Variants in DCDC1 observed in about 807,000 individuals in gnomAD.
The protein encoded by DCDC1 is doublecortin domain-containing protein 1.
In DCDC1, 200 loss-of-function variants were observed where a neutral mutation model predicts 178.3. The observed-to-expected ratio is 1.12, with a 90% confidence interval of 1.00 to 1.26. DCDC1 has a LOEUF of 1.26. Among genes scored for constraint, DCDC1 ranks in the 50% most tolerant of loss-of-function variants. The pLI, the probability that DCDC1 is intolerant of heterozygous loss-of-function variation, is 0.00. For synonymous variants in DCDC1, 690 were observed against 604.8 expected, an observed-to-expected ratio of 1.14 and a Z score of -2.07; for missense variants, 1,983 against 1,749.2, an observed-to-expected ratio of 1.13 and a Z score of -2.38.
At position 31,064,460 on chromosome 11, in the gene DCDC1, G is replaced by C. The variant is rs1486450206; in HGVS notation, c.2591+9C>G. 1 of 762,866 alleles carries C rather than the reference G, an allele frequency of 1.3e-6. No individual in the cohort carries two copies. Among genetic ancestry groups the C allele is most frequent in the Non-Finnish European group, 2.4e-6 (1 of 415,958 alleles). The allele number at this position is 762,866 out of a possible 1,614,324, so 47.3% of individuals were successfully genotyped here. A position where few individuals can be genotyped will look rare whatever the true frequency, so the allele number is the denominator to read the frequency against. On this transcript the variant is annotated intron_variant, in intron 20 of 38. Transcript: ENST00000684477. ...TGAGCAATAAAGCTCAGTTCTGTCA[G>C]TACCCTACCTCTGAGCAGAAGCCTT...
chr11:30,940,966 A>C (rs1440129907), intron 21 of DCDC1, among the ~76,000 whole-genome samples: 1 of 152,110 alleles, frequency 6.6e-6, no homozygotes, highest in Non-Finnish European at 1.5e-5. Flanking sequence ...TAAAATTTTC[A>C]TTATGCTTTC....
intron 12 of DCDC1, among the ~76,000 whole-genome samples, chr11:31,108,907 G>C (rs1959024077): frequency 6.6e-6 from 1 of 152,128 alleles, no homozygotes; most frequent in Non-Finnish European, 1.5e-5. Flanking sequence ...AACCTGAAAA[G>C]AGTGTGAAAC....
At chr11:30,878,435 C>T in intron 38 of DCDC1, 109 bp downstream of exon 38, 1 of 1,079,400 alleles carries the variant, frequency 9.3e-7, no homozygotes, top group Non-Finnish European at 1.3e-6. Context: ...GCCTGGGTGA[C>T]AGAGCAAGAA....
intron 8 of DCDC1, among the ~76,000 whole-genome samples, chr11:31,249,521 A>G (rs992674585): frequency 3.3e-5 from 5 of 152,180 alleles, no homozygotes; most frequent in Admixed American, 2.0e-4. Context: ...GGAAGTCACT[A>G]GAAGACCCTG....
chr11:30,968,302 TC>T (rs1420539363), intron 20 of DCDC1, among the ~76,000 whole-genome samples: 6 of 152,096 alleles, frequency 3.9e-5, no homozygotes, highest in Non-Finnish European at 8.8e-5. Flanking sequence ...CAGAACAGTG[TC>T]TAGCCCATAG....
rs867880042 is a variant in DCDC1, at chr11:31,133,515, G to A, written c.1314+4177C>T. On this transcript the variant is annotated intron_variant, in intron 10 of 38. Transcript: ENST00000684477. ...GGGCCAATAATACAATGTTTTAAGC[G>A]GTAAGAAGGAAACAGAACCCTAATT... Among the ~76,000 whole-genome samples the A allele has an allele frequency of 6.6e-5, 10 of 152,090 alleles. 1 individual carries two copies. The highest frequency in any genetic ancestry group is 4.1e-4 in the South Asian group (2 of 4,822).
intron 36 of DCDC1, chr11:30,882,449 T>TA (rs1280264812): frequency 7.2e-5 from 3 of 41,386 alleles, no homozygotes; most frequent in East Asian, 4.0e-4. Flanking sequence ...TTTTTATATA[T>TA]TTTTTTATCA....
rs1977535735 is a variant in DCDC1 at position 31,244,138 on chromosome 11, A to G, written c.1055-2522T>C. On this transcript the variant is annotated intron_variant, in intron 8 of 38. Transcript: ENST00000684477. ...TCAGCCTACGTTATACTAAAAAATA[A>G]TAATATTTATTAAGCAGTTAGAATT... Among the ~76,000 whole-genome samples, 4 of 151,800 alleles carry G rather than the reference A, an allele frequency of 2.6e-5. No homozygotes were observed. In the South Asian group the frequency reaches 8.3e-4, roughly 31 times the overall value.
intron 9 of DCDC1, among the ~76,000 whole-genome samples, chr11:31,165,746 C>A (rs1161332213): frequency 3.3e-5 from 5 of 152,070 alleles, no homozygotes; most frequent in Non-Finnish European, 7.4e-5. Flanking sequence ...CCTTGTTTTT[C>A]ATATGTACTG....
chr11:31,286,311 C>T (rs543768634), intron 7 of DCDC1, among the ~76,000 whole-genome samples: 12 of 152,072 alleles, frequency 7.9e-5, no homozygotes, highest in East Asian at 1.9e-4. Flanking sequence ...AAGTATATGA[C>T]GCCTCCAGGT....
intron 1 of DCDC1, among the ~76,000 whole-genome samples, chr11:31,355,895 TC>T (rs1469105103): frequency 6.6e-6 from 1 of 152,024 alleles, no homozygotes. Context: ...TTTCTAAGCC[TC>T]CATACCAGGG....
intron 9 of DCDC1, among the ~76,000 whole-genome samples, chr11:31,202,688 AC>A (rs1037757084): frequency 6.6e-6 from 1 of 152,164 alleles, no homozygotes; most frequent in African/African-American, 2.4e-5. Context: ...CAGGCTCAAA[AC>A]CAAGATAACC....
intron 10 of DCDC1, among the ~76,000 whole-genome samples, chr11:31,137,357 T>G (rs1439327599): frequency 1.3e-5 from 1 of 75,660 alleles, no homozygotes; most frequent in African/African-American, 3.1e-5. Flanking sequence ...CATTGCAGGT[T>G]TTTTTTTTTT....
chr11:31,048,219 T>C (rs534178386), intron 20 of DCDC1, among the ~76,000 whole-genome samples: 1 of 151,648 alleles, frequency 6.6e-6, no homozygotes, highest in Non-Finnish European at 1.5e-5. Flanking sequence ...AAGTGCTCAA[T>C]GAGCATTTAT....
At chr11:31,345,588 TAA>T (rs749916450) in intron 1 of DCDC1, among the ~76,000 whole-genome samples, 1 of 144,848 alleles carries the variant, frequency 6.9e-6, no homozygotes. Flanking sequence ...CTCTGAAAAG[TAA>T]AAAAAAAAAT....
rs576465250 is a variant in DCDC1, at chr11:31,179,657, C to T, written c.1222-41873G>A. 7.2e-4 allele frequency among the ~76,000 whole-genome samples: 109 copies of T among 152,158 alleles called. 1 individual carries two copies. Among genetic ancestry groups the T allele is most frequent in the Non-Finnish European group, 1.2e-3 (83 of 68,002 alleles). Reference sequence around the variant, plus strand: ...ATCAAAGAGAGAAGAACAGTAGTTACCAAAGAAAATCCCAGGATTGGATGG... The same window carrying T: ...ATCAAAGAGAGAAGAACAGTAGTTATCAAAGAAAATCCCAGGATTGGATGG... On this transcript the variant is annotated intron_variant, in intron 9 of 38. Transcript: ENST00000684477.
At chr11:31,331,734 G>C (rs1253434324) in intron 2 of DCDC1, among the ~76,000 whole-genome samples, 2 of 152,184 alleles carry the variant, frequency 1.3e-5, no homozygotes, top group Non-Finnish European at 2.9e-5. Context: ...AAGCCTACTT[G>C]ATCGTGGTGG....
intron 21 of DCDC1, among the ~76,000 whole-genome samples, chr11:30,942,079 A>G (rs976337759): frequency 1.3e-5 from 2 of 152,194 alleles, no homozygotes; most frequent in Non-Finnish European, 2.9e-5. Context: ...CAGTACAGAA[A>G]TAATATTGCA....
intron 29 of DCDC1, among the ~76,000 whole-genome samples, chr11:30,907,641 C>T (rs1243319218): frequency 6.6e-6 from 1 of 152,036 alleles, no homozygotes; most frequent in Non-Finnish European, 1.5e-5. Context: ...CCAATGTTCC[C>T]AGCTAACAGC....
Sources: gnomAD v4.1 joint callset for allele counts (sites outside exome capture counted in the v4.1 genomes callset) on GRCh38, gnomAD v4.1.1 for gene constraint, MANE v1.5 for transcripts, NCBI Gene and HGNC (gene_info 2026-07-23, HGNC 2026-07-21) for gene names.